The following LRRTM3 variants were observed in gnomAD, a reference collection of about 807,000 sequenced individuals.
LRRTM3 encodes the protein leucine rich repeat transmembrane neuronal 3.
LRRTM3 carries 24 observed loss-of-function variants against 44.7 expected under a neutral mutation model. The observed-to-expected ratio is 0.54, with a 90% CI of 0.39 to 0.76. LRRTM3 has a LOEUF of 0.76. LRRTM3 is among the 30% of genes least tolerant of loss of function. The probability of loss-of-function intolerance (pLI) is 0.00; values close to 1 mark genes in which losing one functional copy is unlikely to be tolerated. For missense variants in LRRTM3, 587 were observed against 702.2 expected (o/e 0.84, Z 1.85); for synonymous variants, 277 against 278.7 (o/e 0.99, Z 0.06).
chr10:67,034,133 G>C (rs1853900003), intron 2 of LRRTM3, among the ~76,000 whole-genome samples: 1 of 152,126 alleles, frequency 6.6e-6, no homozygotes, highest in African/African-American at 2.4e-5. Flanking sequence ...CCAAACCAGT[G>C]CTTTTAATTA....
chr10:66,951,612 A>C (rs1161856234), intron 2 of LRRTM3, among the ~76,000 whole-genome samples: 1 of 152,102 alleles, frequency 6.6e-6, no homozygotes, highest in Non-Finnish European at 1.5e-5. Flanking sequence ...TTTGAACCCA[A>C]GTCTTTCTTG....
chr10:66,947,462 A>G (rs1029607821), intron 2 of LRRTM3, among the ~76,000 whole-genome samples: 1 of 152,054 alleles, frequency 6.6e-6, no homozygotes, highest in Admixed American at 6.6e-5. Context: ...CTTCTACATA[A>G]CTTTATTTTA....
At chr10:66,937,490 G>T (rs189187058) in intron 2 of LRRTM3, among the ~76,000 whole-genome samples, 2 of 152,008 alleles carry the variant, frequency 1.3e-5, no homozygotes, top group African/African-American at 4.8e-5. Context: ...ACCACAATGC[G>T]CTTTGAAAGT....
intron 2 of LRRTM3, among the ~76,000 whole-genome samples, chr10:67,042,589 C>G (rs1854470108): frequency 2.6e-5 from 4 of 151,552 alleles, no homozygotes; most frequent in Admixed American, 1.3e-4. Context: ...GATGAAAACA[C>G]AGTACTGTCA....
intron 2 of LRRTM3, among the ~76,000 whole-genome samples, chr10:66,946,070 T>A (rs1013638589): frequency 6.6e-6 from 1 of 152,152 alleles, no homozygotes; most frequent in African/African-American, 2.4e-5. Context: ...AATGAGCACA[T>A]GCTGTTGAAA....
chr10:67,094,381 T>A (rs1411018654), intron 2 of LRRTM3, among the ~76,000 whole-genome samples: 2 of 151,846 alleles, frequency 1.3e-5, no homozygotes, highest in Non-Finnish European at 2.9e-5. Context: ...TGAAGTAAAA[T>A]TTATTTTCAT....
At chr10:66,932,699 AAAGAAAT>A (rs1232691564) in intron 2 of LRRTM3, among the ~76,000 whole-genome samples, 1 of 17,002 alleles carries the variant, frequency 5.9e-5, no homozygotes, top group Non-Finnish European at 4.1e-4. Flanking sequence ...AAAATGAATT[AAAGAAAT>A]AATAATAATA....
intron 2 of LRRTM3, among the ~76,000 whole-genome samples, chr10:66,946,784 T>C (rs748014114): frequency 6.6e-6 from 1 of 151,948 alleles, no homozygotes; most frequent in Non-Finnish European, 1.5e-5. Context: ...GGCACACACA[T>C]AGAATTAATC....
At chr10:67,092,300 G>A (rs75442175) in intron 2 of LRRTM3, among the ~76,000 whole-genome samples, 3 of 151,816 alleles carry the variant, frequency 2.0e-5, no homozygotes, top group Non-Finnish European at 2.9e-5. Flanking sequence ...TTCTCTCAAT[G>A]AGTAGAGATA....
At chr10:66,978,521 C>A (rs1850195362) in intron 2 of LRRTM3, among the ~76,000 whole-genome samples, 1 of 42,328 alleles carries the variant, frequency 2.4e-5, no homozygotes. Flanking sequence ...AGTGAGACTC[C>A]ATCTCAAAAA....
intron 2 of LRRTM3, among the ~76,000 whole-genome samples, chr10:67,001,409 T>C (rs1851684189): frequency 6.6e-6 from 1 of 151,206 alleles, no homozygotes; most frequent in South Asian, 2.1e-4. Flanking sequence ...CATGGAAATT[T>C]ACCTAAAACC....
chr10:67,080,116 G>A (rs1031149077), intron 2 of LRRTM3, among the ~76,000 whole-genome samples: 4 of 152,294 alleles, frequency 2.6e-5, no homozygotes, highest in Admixed American at 2.6e-4. Flanking sequence ...ACCAGAAGGG[G>A]TGACAGCCCC....
chr10:66,969,920 T>C (rs1277121041), intron 2 of LRRTM3, among the ~76,000 whole-genome samples: 1 of 152,122 alleles, frequency 6.6e-6, no homozygotes, highest in Admixed American at 6.5e-5. Flanking sequence ...TGAAAGTTTA[T>C]GAACCTCAGG....
intron 2 of LRRTM3, among the ~76,000 whole-genome samples, chr10:66,969,375 C>T (rs1246314209): frequency 6.6e-6 from 1 of 151,926 alleles, no homozygotes; most frequent in Non-Finnish European, 1.5e-5. Flanking sequence ...CATATCGTTC[C>T]ATAAAATGAA....
At chr10:67,049,830 T>C (rs1589661636) in intron 2 of LRRTM3, among the ~76,000 whole-genome samples, 1 of 152,234 alleles carries the variant, frequency 6.6e-6, no homozygotes, top group South Asian at 2.1e-4. Context: ...ATGTGTTTTA[T>C]ATATATTACA....
chr10:66,941,588 G>A (rs943463872), intron 2 of LRRTM3, among the ~76,000 whole-genome samples: 1 of 152,068 alleles, frequency 6.6e-6, no homozygotes, highest in African/African-American at 2.4e-5. Flanking sequence ...AAAAATCAAA[G>A]GCCATAAAAG....
At chr10:66,956,679 C>T (rs190455573) in intron 2 of LRRTM3, among the ~76,000 whole-genome samples, 5 of 152,216 alleles carry the variant, frequency 3.3e-5, no homozygotes, top group African/African-American at 1.2e-4. Context: ...CTCTGTTTTC[C>T]TGCAGAGTAA....
chr10:66,964,806 C>A (rs755025828), intron 2 of LRRTM3, among the ~76,000 whole-genome samples: 3 of 152,158 alleles, frequency 2.0e-5, no homozygotes, highest in Non-Finnish European at 2.9e-5. Context: ...AGGCAGACTG[C>A]AAACCCATCC....
intron 2 of LRRTM3, among the ~76,000 whole-genome samples, chr10:67,064,294 T>C (rs1855935298): frequency 6.6e-6 from 1 of 152,170 alleles, no homozygotes; most frequent in Non-Finnish European, 1.5e-5. Flanking sequence ...CACTATGTAT[T>C]AGCATTCTTG....
Sources: allele counts gnomAD v4.1 joint callset (sites outside exome capture counted in the v4.1 genomes callset), GRCh38; gene constraint gnomAD v4.1.1; transcripts MANE v1.5; gene names NCBI Gene and HGNC (gene_info 2026-07-23, HGNC 2026-07-21).